Variants in CHST11 observed in about 807,000 individuals in gnomAD.
CHST11 encodes the protein C4S-1.
In CHST11, 9 loss-of-function variants were observed where a neutral mutation model predicts 30.4. That is an observed-to-expected ratio of 0.30 (90% CI 0.18 to 0.52). The LOEUF is 0.52. Ranked by LOEUF, CHST11 falls within the 20% of genes least tolerant of loss-of-function variation. The pLI, the probability that CHST11 is intolerant of heterozygous loss-of-function variation, is 0.97. For synonymous variants in CHST11, 152 were observed against 187.8 expected (o/e 0.81, Z 1.56); for missense variants, 348 against 460.6 (o/e 0.76, Z 2.24).
chr12:104,752,306 A>G (rs1404379211), intron 2 of CHST11, among the ~76,000 whole-genome samples: 3 of 152,074 alleles, frequency 2.0e-5, no homozygotes, highest in Non-Finnish European at 4.4e-5. Context: ...TTATAAGGAC[A>G]CCACCCATTG....
At position 104,568,439 on chromosome 12, in the gene CHST11, T is replaced by C. The variant is rs921681591; in HGVS notation, c.119-33467T>C. Among the ~76,000 whole-genome samples the C allele has an allele frequency of 2.0e-5, 3 of 152,258 alleles. No individual in the cohort carries two copies. The South Asian group carries it at 6.2e-4, about 32-fold the overall frequency. The stretch of plus-strand genomic sequence containing the variant: ...AGCAGCAAGTGTGGCTGATTTTAAT[T>C]GATTTCTGCTTGGTACACATTTACT... On this transcript the variant is annotated intron_variant, in intron 1 of 2. Coordinates refer to ENST00000303694, the MANE Select transcript of CHST11 (RefSeq NM_018413.6).
At chr12:104,490,122 T>C (rs1388136049) in intron 1 of CHST11, among the ~76,000 whole-genome samples, 2 of 152,218 alleles carry the variant, frequency 1.3e-5, no homozygotes, top group Admixed American at 6.5e-5. Flanking sequence ...ACAGAATCCT[T>C]TGAAAATGTC....
intron 2 of CHST11, among the ~76,000 whole-genome samples, chr12:104,620,833 T>C (rs1328466056): frequency 6.6e-6 from 1 of 152,120 alleles, no homozygotes; most frequent in African/African-American, 2.4e-5. Flanking sequence ...AATCTTGAAA[T>C]AAAAACCAGG....
At chr12:104,746,317 G>A (rs2040388595) in intron 2 of CHST11, among the ~76,000 whole-genome samples, 1 of 152,136 alleles carries the variant, frequency 6.6e-6, no homozygotes, top group South Asian at 2.1e-4. Flanking sequence ...GCCTACAAAA[G>A]AAGTACTTTA....
intron 1 of CHST11, among the ~76,000 whole-genome samples, chr12:104,562,914 T>C (rs2136017765): frequency 1.3e-5 from 2 of 148,664 alleles, no homozygotes; most frequent in South Asian, 4.6e-4. Context: ...AGGGGCATTC[T>C]TGATTCTCCA....
At chr12:104,535,351 G>C (rs1486288517) in intron 1 of CHST11, among the ~76,000 whole-genome samples, 3 of 152,182 alleles carry the variant, frequency 2.0e-5, no homozygotes, top group African/African-American at 7.2e-5. Context: ...ACCTTTCAGC[G>C]GAGTGTCTGT....
chr12:104,683,668 A>T (rs1346032856), intron 2 of CHST11, among the ~76,000 whole-genome samples: 1 of 152,252 alleles, frequency 6.6e-6, no homozygotes, highest in Non-Finnish European at 1.5e-5. Flanking sequence ...ACCCACCTGC[A>T]AAGGAAAATT....
At chr12:104,717,940 ACT>A (rs1160921254) in intron 2 of CHST11, among the ~76,000 whole-genome samples, 1 of 152,170 alleles carries the variant, frequency 6.6e-6, no homozygotes, top group African/African-American at 2.4e-5. Context: ...ACAGAGCAAG[ACT>A]CTGTCTCAAA....
At chr12:104,526,205 A>T (rs920606536) in intron 1 of CHST11, among the ~76,000 whole-genome samples, 15 of 140,662 alleles carry the variant, frequency 1.1e-4, no homozygotes, top group Middle Eastern at 3.3e-3. Flanking sequence ...TCACAAATGG[A>T]TCATTTTCTT....
chr12:104,640,234 T>C (rs2039362246), intron 2 of CHST11, among the ~76,000 whole-genome samples: 1 of 152,190 alleles, frequency 6.6e-6, no homozygotes, highest in African/African-American at 2.4e-5. Context: ...TAGTATTTAC[T>C]CAAATGAGCT....
At chr12:104,531,815 C>T (rs760044063) in intron 1 of CHST11, among the ~76,000 whole-genome samples, 2 of 152,234 alleles carry the variant, frequency 1.3e-5, no homozygotes, top group African/African-American at 2.4e-5. Flanking sequence ...GTACCTTCTT[C>T]CCATTACTGT....
Position 104,757,995 on chromosome 12 carries a change from T to G in CHST11, c.*192T>G, listed in dbSNP as rs527337787. On this transcript the variant is annotated 3_prime_UTR_variant, in exon 3 of 3. Transcript: ENST00000303694. The surrounding 1 kb of genome is among the most constrained non-coding windows in gnomAD (Gnocchi z 6.5). ...GTCTTTGCAGGGGAAATAGGATGGG[T>G]CGTCCTTGTCTGTAGAAGTGAATAC... The G allele has an allele frequency of 1.1e-3, 705 of 626,562 alleles. 3 individuals are homozygous for G. Among genetic ancestry groups the G allele is most frequent in the Middle Eastern group, 6.6e-3 (15 of 2,258 alleles). The allele number at this position is 626,562 out of a possible 1,614,324, so 38.8% of individuals were successfully genotyped here. A position where few individuals can be genotyped will look rare whatever the true frequency, so the allele number is the denominator to read the frequency against.
At chr12:104,482,515 G>A (rs941299118) in intron 1 of CHST11, among the ~76,000 whole-genome samples, 1 of 152,092 alleles carries the variant, frequency 6.6e-6, no homozygotes, top group Non-Finnish European at 1.5e-5. Context: ...CCCACCCTCA[G>A]TGTCATTTTG....
chr12:104,675,993 A>G (rs2039738846), intron 2 of CHST11, among the ~76,000 whole-genome samples: 1 of 152,194 alleles, frequency 6.6e-6, no homozygotes, highest in Non-Finnish European at 1.5e-5. Context: ...AAGGTTCACA[A>G]GCTACATCCC....
At chr12:104,754,236 G>A (rs2040457196) in intron 2 of CHST11, among the ~76,000 whole-genome samples, 1 of 152,196 alleles carries the variant, frequency 6.6e-6, no homozygotes, top group Admixed American at 6.5e-5. Context: ...TCCCGGCTAG[G>A]ACCCTCAGCT....
chr12:104,663,508 A>T (rs1592824719), intron 2 of CHST11, among the ~76,000 whole-genome samples: 1 of 151,618 alleles, frequency 6.6e-6, no homozygotes, highest in South Asian at 2.1e-4. Flanking sequence ...TCATGTTTGT[A>T]TTTTTTAAAA....
At chr12:104,530,210 C>T (rs1565976505) in intron 1 of CHST11, among the ~76,000 whole-genome samples, 1 of 152,142 alleles carries the variant, frequency 6.6e-6, no homozygotes, top group African/African-American at 2.4e-5. Flanking sequence ...GGACAACTTG[C>T]AGTATCTATC....
At chr12:104,483,751 C>A (rs74748330) in intron 1 of CHST11, among the ~76,000 whole-genome samples, 2 of 152,256 alleles carry the variant, frequency 1.3e-5, no homozygotes, top group East Asian at 1.9e-4. Context: ...CCTCAGTACG[C>A]CCCCTTAGTG....
In CHST11 at chr12:104,671,207, G is replaced by A. The variant is rs1245368311; in HGVS notation, c.204+69216G>A. On this transcript the variant is annotated intron_variant, in intron 2 of 2. Coordinates refer to ENST00000303694, the MANE Select transcript of CHST11 (RefSeq NM_018413.6). ...CCATGGGCACACCCTCCTCCGCAAA[G>A]CCTCTTGTGATCTCCAGTCTGACTG... is the stretch of plus-strand genomic sequence containing the variant. Among the ~76,000 whole-genome samples, 4 of 152,188 alleles carry A rather than the reference G, an allele frequency of 2.6e-5. No individual in the cohort carries two copies. The East Asian group carries it at 7.7e-4, about 29-fold the overall frequency.
Sources: gnomAD v4.1 joint callset for allele counts (sites outside exome capture counted in the v4.1 genomes callset) on GRCh38, gnomAD v4.1.1 for gene constraint, Gnocchi (gnomAD v3.1) non-coding constraint, MANE v1.5 for transcripts, NCBI Gene and HGNC (gene_info 2026-07-23, HGNC 2026-07-21) for gene names.